Variants in TRAPPC9 observed in about 807,000 individuals in gnomAD.
TRAPPC9 encodes trafficking protein particle complex subunit 9, also known as IKK2 binding protein.
In TRAPPC9, 83 loss-of-function variants were observed where a neutral mutation model predicts 124.0. The ratio of observed to expected loss-of-function variants is 0.67; its 90% CI spans 0.56 to 0.80. The LOEUF (loss-of-function observed/expected upper bound fraction) is 0.80, where lower values mean the gene tolerates loss of function less well. Ranked by LOEUF, TRAPPC9 falls within the 30% of genes least tolerant of loss-of-function variation. The pLI is 0.00. For missense variants in TRAPPC9, 1,302 were observed against 1,508.3 expected (o/e 0.86, Z 2.27); for synonymous variants, 638 against 617.5 (o/e 1.03, Z -0.49).
rs564645321 is a variant in TRAPPC9, at chr8:140,250,165, A to G, written c.2431+2612T>C. On this transcript the variant is annotated intron_variant, in intron 16 of 22. Transcript: ENST00000438773. ...ACATTCTTCCCACTTGCGTTTATAA[A>G]ATGGGAATTACAACATTTACTTTAT... 5.9e-5 allele frequency among the ~76,000 whole-genome samples: 9 copies of G among 152,336 alleles called. No individual in the cohort carries two copies. The South Asian group carries it at 6.2e-4, about 11-fold the overall frequency.
At chr8:140,168,390 T>C (rs1225518144) in intron 17 of TRAPPC9, among the ~76,000 whole-genome samples, 1 of 152,126 alleles carries the variant, frequency 6.6e-6, no homozygotes, top group Non-Finnish European at 1.5e-5. Flanking sequence ...GGAAACCCTA[T>C]ACCCATTTAG....
At chr8:140,139,685 T>C (rs768883914) in intron 17 of TRAPPC9, among the ~76,000 whole-genome samples, 1 of 152,024 alleles carries the variant, frequency 6.6e-6, no homozygotes, top group Non-Finnish European at 1.5e-5. Context: ...TACAAAGCCA[T>C]TTATGTGAAG....
At chr8:140,456,349 G>A (rs201571831) in intron 1 of TRAPPC9, among the ~76,000 whole-genome samples, 3 of 151,576 alleles carry the variant, frequency 2.0e-5, no homozygotes, top group African/African-American at 7.3e-5. Context: ...GAGGCGGAGG[G>A]TGCAGTGAGC....
intron 17 of TRAPPC9, among the ~76,000 whole-genome samples, chr8:140,024,359 G>T (rs1839996467): frequency 6.6e-6 from 1 of 151,902 alleles, no homozygotes. Context: ...ACATGCAAAC[G>T]GAAAGGGCTT....
intron 1 of TRAPPC9, among the ~76,000 whole-genome samples, chr8:140,457,286 C>T (rs1396314272): frequency 1.3e-5 from 2 of 152,058 alleles, no homozygotes; most frequent in East Asian, 1.9e-4. Flanking sequence ...GGAGACAGCT[C>T]GGAGGCACAG....
chr8:139,932,478 A>G (rs1180470063), intron 19 of TRAPPC9: 19 of 457,386 alleles, frequency 4.2e-5, no homozygotes, highest in Non-Finnish European at 7.5e-5. Flanking sequence ...AATGTCATGT[A>G]GACACTGGGC....
At chr8:139,958,425 C>T (rs1431501838) in intron 19 of TRAPPC9, among the ~76,000 whole-genome samples, 1 of 152,204 alleles carries the variant, frequency 6.6e-6, no homozygotes, top group Non-Finnish European at 1.5e-5. Context: ...TCTTTGCCGA[C>T]CCCAGTTTCC....
chr8:139,835,676 AG>A (rs1385432807), intron 21 of TRAPPC9, among the ~76,000 whole-genome samples: 1 of 152,062 alleles, frequency 6.6e-6, no homozygotes, highest in African/African-American at 2.4e-5. Flanking sequence ...TCTTTAATTA[AG>A]GCGGAGATTG....
chr8:140,001,384 A>AT lies in TRAPPC9; in HGVS notation c.2700-12549dup, dbSNP rs1781014254. ...GCACATGTACTCTAGAACTTAAAGT[A>AT]TAATAATAATAATAATAATAAAAAG... On this transcript the variant is annotated intron_variant, in intron 18 of 22. Transcript: ENST00000438773. Among the ~76,000 whole-genome samples the AT allele has an allele frequency of 1.3e-4, 7 of 53,796 alleles. No homozygotes were observed. The South Asian group carries it at 3.8e-3, about 29-fold the overall frequency. The allele number at this position is 53,796 out of a possible 152,430, so 35.3% of individuals were successfully genotyped here.
At chr8:140,155,466 C>T (rs532239622) in intron 17 of TRAPPC9, among the ~76,000 whole-genome samples, 34 of 152,274 alleles carry the variant, frequency 2.2e-4, no homozygotes, top group African/African-American at 7.5e-4. Context: ...CAAGAGTGTT[C>T]GTTGAACACC....
chr8:140,224,636 C>A (rs1483778387), intron 16 of TRAPPC9, among the ~76,000 whole-genome samples: 1 of 151,592 alleles, frequency 6.6e-6, no homozygotes, highest in African/African-American at 2.4e-5. Flanking sequence ...ACTGGTAGGC[C>A]ATTTTTCTAC....
intron 9 of TRAPPC9, among the ~76,000 whole-genome samples, chr8:140,338,235 G>A (rs778786089): frequency 7.9e-5 from 12 of 152,080 alleles, no homozygotes; most frequent in African/African-American, 2.7e-4. Context: ...CTGTCCCCAC[G>A]CCATACGTAT....
At chr8:140,195,164 C>T (rs2131111251) in intron 17 of TRAPPC9, among the ~76,000 whole-genome samples, 3 of 152,212 alleles carry the variant, frequency 2.0e-5, no homozygotes, top group Middle Eastern at 6.8e-3. Flanking sequence ...GACACTAAAA[C>T]ACACTCAAGG....
intron 21 of TRAPPC9, among the ~76,000 whole-genome samples, chr8:139,785,769 G>T (rs1253533250): frequency 6.6e-6 from 1 of 151,626 alleles, no homozygotes; most frequent in Non-Finnish European, 1.5e-5. Flanking sequence ...TGATCAACTA[G>T]ACTTAAACAT....
At chr8:140,301,693 G>A (rs915984266) in intron 10 of TRAPPC9, among the ~76,000 whole-genome samples, 2 of 152,208 alleles carry the variant, frequency 1.3e-5, no homozygotes, top group African/African-American at 4.8e-5. Context: ...CCCACCCCCC[G>A]CCTCCCGGCC....
At chr8:140,124,337 C>T (rs2061043133) in intron 17 of TRAPPC9, among the ~76,000 whole-genome samples, 1 of 152,168 alleles carries the variant, frequency 6.6e-6, no homozygotes, top group Non-Finnish European at 1.5e-5. Context: ...TTGCCCCAGC[C>T]TCTGGCTTCC....
chr8:140,101,800 C>A (rs755883596), intron 17 of TRAPPC9, among the ~76,000 whole-genome samples: 1 of 151,668 alleles, frequency 6.6e-6, no homozygotes, highest in African/African-American at 2.4e-5. Flanking sequence ...ACCTCGGCCT[C>A]CCAAGCTGGG....
At chr8:139,773,504 C>T (rs368468876) in intron 21 of TRAPPC9, among the ~76,000 whole-genome samples, 4 of 152,158 alleles carry the variant, frequency 2.6e-5, no homozygotes, top group Non-Finnish European at 5.9e-5. Context: ...GAGTCCTCCC[C>T]GGTGGACGGA....
chr8:140,429,667 A>G (rs1031348571), intron 4 of TRAPPC9, among the ~76,000 whole-genome samples: 7 of 151,424 alleles, frequency 4.6e-5, no homozygotes, highest in African/African-American at 7.3e-5. Flanking sequence ...TTAGCTGGTC[A>G]TGGTGGTGCA....
Sources: gnomAD v4.1 joint callset for allele counts (sites outside exome capture counted in the v4.1 genomes callset) on GRCh38, gnomAD v4.1.1 for gene constraint, MANE v1.5 for transcripts, NCBI Gene and HGNC (gene_info 2026-07-23, HGNC 2026-07-21) for gene names.